The following SLAIN2 variants were observed in gnomAD, a reference collection of about 807,000 sequenced individuals.
The protein encoded by SLAIN2 is SLAIN family member 2.
Under a neutral mutation model 56.6 loss-of-function variants are expected in SLAIN2, and 31 were observed. The observed-to-expected ratio is 0.55, with a 90% CI of 0.41 to 0.74. The LOEUF (loss-of-function observed/expected upper bound fraction) is 0.74. Ranked by LOEUF, SLAIN2 falls within the 30% of genes least tolerant of loss-of-function variation. The pLI is 0.00. For synonymous variants in SLAIN2, 317 were observed against 284.9 expected (o/e 1.11, Z -1.13); for missense variants, 777 against 754.2 (o/e 1.03, Z -0.35).
chr4:48,376,355 T>G (rs1216131035), intron 2 of SLAIN2, among the ~76,000 whole-genome samples: 1 of 150,122 alleles, frequency 6.7e-6, no homozygotes, highest in Non-Finnish European at 1.5e-5. Flanking sequence ...TTTGGGAGGC[T>G]GAGGCACAAG....
chr4:48,349,489 A>G (rs1714955016), intron 1 of SLAIN2, among the ~76,000 whole-genome samples: 1 of 152,230 alleles, frequency 6.6e-6, no homozygotes, highest in Admixed American at 6.5e-5. Context: ...AGAAGAAAAT[A>G]CTGTCTAGAT....
At chr4:48,349,037 C>G (rs1488579631) in intron 1 of SLAIN2, among the ~76,000 whole-genome samples, 2 of 152,150 alleles carry the variant, frequency 1.3e-5, no homozygotes, top group African/African-American at 2.4e-5. Context: ...GTTTTTTTCT[C>G]TTCCTCCTCT....
intron 6 of SLAIN2, among the ~76,000 whole-genome samples, chr4:48,392,456 CTTTT>C (rs990519432): frequency 2.6e-5 from 4 of 151,938 alleles, no homozygotes; most frequent in Non-Finnish European, 5.9e-5. Flanking sequence ...CCTTATTAAA[CTTTT>C]TTTTAATGGT....
chr4:48,393,895 T>C (rs1716296042), intron 6 of SLAIN2, among the ~76,000 whole-genome samples: 1 of 152,246 alleles, frequency 6.6e-6, no homozygotes, highest in East Asian at 1.9e-4. Flanking sequence ...AAGCTTAGCT[T>C]TCCTCATGGA....
At chr4:48,358,381 G>A (rs1323743296) in intron 1 of SLAIN2, among the ~76,000 whole-genome samples, 2 of 150,988 alleles carry the variant, frequency 1.3e-5, no homozygotes, top group African/African-American at 2.4e-5. Context: ...GTGCAATGGC[G>A]CGATCTTGGC....
chr4:48,405,537 C>T (rs1193024960), intron 6 of SLAIN2, among the ~76,000 whole-genome samples: 2 of 151,876 alleles, frequency 1.3e-5, no homozygotes, highest in Non-Finnish European at 2.9e-5. Flanking sequence ...TAGCAAGTTC[C>T]CTTGTATTTT....
At chr4:48,417,783 T>C (rs1284029283) in intron 6 of SLAIN2, among the ~76,000 whole-genome samples, 16 of 150,184 alleles carry the variant, frequency 1.1e-4, no homozygotes, top group African/African-American at 3.9e-4. Flanking sequence ...AGAAAAAGCC[T>C]TTGACAAAAT....
At chr4:48,361,412 AACT>A (rs370248569) in intron 1 of SLAIN2, among the ~76,000 whole-genome samples, 352 of 152,344 alleles carry the variant, frequency 2.3e-3, no homozygotes, top group African/African-American at 8.2e-3. Context: ...GCTAAAGAAG[AACT>A]ACAACAGTTA....
chr4:48,397,283 T>G (rs201800672), intron 6 of SLAIN2, among the ~76,000 whole-genome samples: 2 of 152,002 alleles, frequency 1.3e-5, no homozygotes, highest in African/African-American at 4.8e-5. Flanking sequence ...AACAGACACT[T>G]CTCAAAAGAA....
chr4:48,418,842 A>G (rs1179236335), intron 6 of SLAIN2, among the ~76,000 whole-genome samples: 2 of 143,302 alleles, frequency 1.4e-5, no homozygotes, highest in African/African-American at 2.5e-5. Flanking sequence ...TTATAACACA[A>G]CATTCTACAG....
chr4:48,400,767 G>A (rs1486851700), intron 6 of SLAIN2, among the ~76,000 whole-genome samples: 7 of 142,956 alleles, frequency 4.9e-5, no homozygotes, highest in South Asian at 4.3e-4. Flanking sequence ...TTCTAAATTC[G>A]TTTGTTTGTT....
In SLAIN2 at chr4:48,365,592, G is replaced by A. The variant is rs1418734061; in HGVS notation, c.390-4257G>A. Among the ~76,000 whole-genome samples, 3 of 150,384 alleles carry A rather than the reference G, an allele frequency of 2.0e-5. No individual in the cohort carries two copies. The East Asian group carries it at 5.9e-4, about 29-fold the overall frequency. ...TTTTATTTTTTTGAGATGGAATCTCGCTCTGTTGCCCAGGGTGGAGTGCAG... is the reference window on the plus strand; with the variant it reads ...TTTTATTTTTTTGAGATGGAATCTCACTCTGTTGCCCAGGGTGGAGTGCAG... On this transcript the variant is annotated intron_variant, in intron 1 of 7. Coordinates refer to ENST00000264313, the MANE Select transcript of SLAIN2 (RefSeq NM_020846.2).
chr4:48,396,828 T>G (rs1577730484), intron 6 of SLAIN2, among the ~76,000 whole-genome samples: 1 of 152,186 alleles, frequency 6.6e-6, no homozygotes, highest in African/African-American at 2.4e-5. Flanking sequence ...TCACTTTGAT[T>G]TTAATTGCAT....
chr4:48,417,936 T>C lies in SLAIN2; in HGVS notation c.1361-2189T>C, dbSNP rs553880521. ...CTGGCATATAGAAACATAGTCAGTG[T>C]TTGTATTTTTATCCAGTTCTGTGAC... On this transcript the variant is annotated intron_variant, in intron 6 of 7. Coordinates refer to ENST00000264313, the MANE Select transcript of SLAIN2 (RefSeq NM_020846.2). 1.2e-3 allele frequency among the ~76,000 whole-genome samples: 179 copies of C among 152,302 alleles called. 1 individual carries two copies. Among genetic ancestry groups the C allele is most frequent in the African/African-American group, 4.2e-3 (173 of 41,570 alleles).
intron 1 of SLAIN2, among the ~76,000 whole-genome samples, chr4:48,351,034 G>A (rs1272835147): frequency 6.6e-6 from 1 of 152,188 alleles, no homozygotes; most frequent in Non-Finnish European, 1.5e-5. Flanking sequence ...CTTCTGCAGT[G>A]TACTAGACTG....
chr4:48,381,302 G>A (rs935613657), intron 4 of SLAIN2, among the ~76,000 whole-genome samples: 8 of 151,946 alleles, frequency 5.3e-5, no homozygotes, highest in African/African-American at 1.9e-4. Context: ...TTATTTTCCT[G>A]ATGAGTAAAA....
At chr4:48,346,490 A>C (rs1280469852) in intron 1 of SLAIN2, among the ~76,000 whole-genome samples, 1 of 152,166 alleles carries the variant, frequency 6.6e-6, no homozygotes, top group Non-Finnish European at 1.5e-5. Context: ...CTAGGTAGGT[A>C]ATGTGGTTTT....
At chr4:48,376,913 CTTTTTTTTTTTTTT>C (rs11347630) in intron 2 of SLAIN2, among the ~76,000 whole-genome samples, 5 of 111,748 alleles carry the variant, frequency 4.5e-5, no homozygotes, top group African/African-American at 1.7e-4. Flanking sequence ...GCCCGGCCGA[CTTTTTTTTTTTTTT>C]TTTTTTTAAG....
Position 48,382,897 on chromosome 4 carries a change from G to A in SLAIN2, c.1192G>A (p.Asp398Asn). 1 of 1,610,988 alleles carries A rather than the reference G, an allele frequency of 6.2e-7. No homozygotes were observed. Among genetic ancestry groups the A allele is most frequent in the Non-Finnish European group, 8.5e-7 (1 of 1,177,990 alleles). ...CCTTTCACTTCAAGGCCATCCCACA[G>A]ATTTACAGACAAGCAATGTTAAAAA... ...PRLSLQGHPTDLQTSNVKNEE... is the reference protein window; with the variant it reads ...PRLSLQGHPTNLQTSNVKNEE... The change falls in exon 5 of 8, where the codon GAT (aspartate) becomes AAT (asparagine). Residue 398 changes from aspartate to asparagine, a missense_variant. By Grantham distance (23) the Asp-to-Asn change is conservative. Coordinates refer to ENST00000264313, the MANE Select transcript of SLAIN2 (RefSeq NM_020846.2).
Sources: gnomAD v4.1 joint callset for allele counts (sites outside exome capture counted in the v4.1 genomes callset) on GRCh38, gnomAD v4.1.1 for gene constraint, MANE v1.5 for transcripts, NCBI Gene and HGNC (gene_info 2026-07-23, HGNC 2026-07-21) for gene names.